CHD9: variants seen among roughly 807,000 people sequenced by gnomAD.
CHD9 encodes the protein chromodomain helicase DNA binding protein 9.
CHD9 carries 77 observed loss-of-function variants against 316.1 expected under a neutral mutation model. The ratio of observed to expected loss-of-function variants is 0.24; its 90% confidence interval spans 0.20 to 0.29. The LOEUF (loss-of-function observed/expected upper bound fraction) is 0.29. Among genes scored for constraint, CHD9 ranks in the 10% least tolerant of loss-of-function variants. CHD9 has a pLI of 1.00. For synonymous variants in CHD9, 1,129 were observed against 1,158.3 expected (o/e 0.97, Z 0.51); for missense variants, 2,763 against 3,438.1 (o/e 0.80, Z 4.91).
chr16:53,201,719 A>C (rs1229854720), intron 2 of CHD9, among the ~76,000 whole-genome samples: 1 of 152,154 alleles, frequency 6.6e-6, no homozygotes, highest in East Asian at 1.9e-4. Context: ...CATCTGTACT[A>C]CCATCTAATG....
At position 53,314,426 on chromosome 16, in the gene CHD9, C is replaced by A. The variant is rs1333572827; in HGVS notation, c.7272C>A (p.Asn2424Lys). The A allele has an allele frequency of 6.3e-7, 1 of 1,588,938 alleles. No homozygotes were observed. The highest frequency in any genetic ancestry group is 8.6e-7 in the Non-Finnish European group (1 of 1,166,382). Residue 2424 changes from asparagine (N) to lysine (K), a missense_variant, in exon 35 of 39, where the codon AAC becomes AAA. This residue lies in a region of CHD9 where 663 missense variants were observed against 751.2 expected (regional missense o/e 0.88). Transcript: ENST00000447540. ...GTGCCAATGGTGTGATATTAGACAA[C>A]CAGCCTATAGTCAAAAAAAGGCGAG... ...TLGANGVILD[N>K]QPIVKKRRGR...
At chr16:53,287,406 A>G (rs1008708795) in intron 26 of CHD9, among the ~76,000 whole-genome samples, 6 of 152,348 alleles carry the variant, frequency 3.9e-5, no homozygotes, top group Admixed American at 3.9e-4. Flanking sequence ...AGTAAGGAAC[A>G]CTTTGTGGTT....
intron 35 of CHD9, 67 bp from the exon 36 acceptor site, chr16:53,314,756 C>T (rs1465537941): frequency 4.7e-6 from 6 of 1,273,714 alleles, no homozygotes; most frequent in Non-Finnish European, 1.1e-6. Context: ...AAAATAATTG[C>T]TTTATTGAAC....
intron 1 of CHD9, among the ~76,000 whole-genome samples, chr16:53,076,249 A>T (rs1213831482): frequency 6.6e-6 from 1 of 152,046 alleles, no homozygotes; most frequent in Non-Finnish European, 1.5e-5. Flanking sequence ...ACATTAAAAA[A>T]TTTTTCATAA....
chr16:53,079,243 T>C (rs980539759), intron 1 of CHD9, among the ~76,000 whole-genome samples: 8 of 152,170 alleles, frequency 5.3e-5, no homozygotes, highest in Non-Finnish European at 8.8e-5. Flanking sequence ...GGCTCCCAGA[T>C]TGCTTTCTAT....
In CHD9 at chr16:53,308,715, G is replaced by A; in HGVS notation, c.7083G>A (p.Lys2361=). Residue 2361 remains lysine, a synonymous_variant, in exon 34 of 39, where the codon AAG becomes AAA. Transcript: ENST00000447540. ...DEGGLKLTFQ[K]QGLAQKRPFD... The stretch of plus-strand genomic sequence containing the variant: ...GTGGTTTGAAGTTGACATTTCAGAA[G>A]CAAGGGCTTGCTCAGAAAAGACCAT... 5.0e-6 allele frequency: 8 copies of A among 1,612,814 alleles called. No homozygotes were observed. Among genetic ancestry groups the A allele is most frequent in the Non-Finnish European group, 5.9e-6 (7 of 1,179,294 alleles).
At chr16:53,315,185 A>G (rs1221678648) in intron 36 of CHD9, 141 bp downstream of exon 36, 6 of 631,012 alleles carry the variant, frequency 9.5e-6, no homozygotes, top group South Asian at 2.0e-5. Context: ...AAAAATAATT[A>G]CCATCCTTCC....
intron 30 of CHD9, among the ~76,000 whole-genome samples, chr16:53,297,584 C>T (rs956954003): frequency 2.0e-5 from 3 of 152,142 alleles, no homozygotes; most frequent in African/African-American, 7.2e-5. Context: ...AAAAGATCTC[C>T]CAGGGCCATC....
At chr16:53,266,575 A>T (rs17394498) in intron 20 of CHD9, among the ~76,000 whole-genome samples, 42,176 of 152,010 alleles carry the variant, frequency 0.28, 5,942 homozygotes, top group Middle Eastern at 0.32. Context: ...TATCATAAAA[A>T]ATTTCATCCC....
At chr16:53,055,733 C>A (rs1596820834) in intron 1 of CHD9, among the ~76,000 whole-genome samples, 1 of 152,282 alleles carries the variant, frequency 6.6e-6, no homozygotes, top group East Asian at 1.9e-4. Context: ...GCAGGAAATG[C>A]CTCTGCCTTT....
intron 36 of CHD9, among the ~76,000 whole-genome samples, chr16:53,315,875 G>A (rs73608030): frequency 0.032 from 4,921 of 152,210 alleles, 100 homozygotes; most frequent in Middle Eastern, 0.071. Context: ...AGCCCAAACT[G>A]CTCCTCTTAA....
chr16:53,151,679 G>A (rs1438714141), intron 1 of CHD9, among the ~76,000 whole-genome samples: 2 of 152,106 alleles, frequency 1.3e-5, no homozygotes, highest in Non-Finnish European at 2.9e-5. Flanking sequence ...GTTGAACAAC[G>A]ATAATGAATT....
At chr16:53,206,869 G>A (rs956452161) in intron 2 of CHD9, among the ~76,000 whole-genome samples, 25 of 152,224 alleles carry the variant, frequency 1.6e-4, no homozygotes, top group African/African-American at 6.0e-4. Context: ...GATTACATTA[G>A]TTATTAAATG....
intron 1 of CHD9, among the ~76,000 whole-genome samples, chr16:53,082,948 G>C (rs2152538249): frequency 6.6e-6 from 1 of 152,272 alleles, no homozygotes; most frequent in Non-Finnish European, 1.5e-5. Flanking sequence ...TTTCCCATCA[G>C]TCGTCTGCCT....
intron 1 of CHD9, among the ~76,000 whole-genome samples, chr16:53,097,892 G>A (rs1343236211): frequency 1.3e-5 from 2 of 152,200 alleles, no homozygotes; most frequent in African/African-American, 2.4e-5. Flanking sequence ...GGCCGAGATG[G>A]GTGGATGACC....
intron 1 of CHD9, among the ~76,000 whole-genome samples, chr16:53,105,694 G>A (rs11647698): frequency 0.27 from 41,298 of 152,118 alleles, 7,025 homozygotes; most frequent in Non-Finnish European, 0.38. Context: ...AAATTCAGGT[G>A]CTTTGGAGAA....
intron 36 of CHD9, among the ~76,000 whole-genome samples, chr16:53,317,925 C>T (rs2057000893): frequency 6.6e-6 from 1 of 151,968 alleles, no homozygotes; most frequent in Non-Finnish European, 1.5e-5. Context: ...GGCATGGTAG[C>T]ACACACCTGT....
Position 53,303,872 on chromosome 16 carries a change from G to C in CHD9, c.5866G>C (p.Asp1956His), listed in dbSNP as rs770775206. The C allele has an allele frequency of 1.2e-6, 2 of 1,613,964 alleles. No homozygotes were observed. Among genetic ancestry groups the C allele is most frequent in the East Asian group, 2.2e-5 (1 of 44,878 alleles). The change falls in exon 31 of 39, where the codon GAT becomes CAT. Residue 1956 changes from aspartate to histidine, a missense_variant. By Grantham distance (81) the Asp-to-His change is moderately conservative (BLOSUM62 -1). This residue lies in a region of CHD9 where 663 missense variants were observed against 751.2 expected (regional missense o/e 0.88). Coordinates refer to ENST00000447540, the MANE Select transcript of CHD9 (RefSeq NM_001308319.2). Reference sequence around the variant, plus strand: ...CTTGAAGCTTTGCCATCCAAATCCAGATTTACCAGTCTGGTGGGAATGTGG... The same window carrying C: ...CTTGAAGCTTTGCCATCCAAATCCACATTTACCAGTCTGGTGGGAATGTGG... ...ERLKLCHPNP[D>H]LPVWWECGPH...
intron 4 of CHD9, among the ~76,000 whole-genome samples, chr16:53,225,229 G>A (rs914657297): frequency 6.6e-6 from 1 of 152,072 alleles, no homozygotes; most frequent in Non-Finnish European, 1.5e-5. Context: ...AGAAGAACTT[G>A]TGGTTTATTT....
Sources: allele counts gnomAD v4.1 joint callset (sites outside exome capture counted in the v4.1 genomes callset), GRCh38; gene constraint gnomAD v4.1.1; regional missense constraint gnomAD v4.1.1; transcripts MANE v1.5; gene names NCBI Gene and HGNC (gene_info 2026-07-23, HGNC 2026-07-21).